FREM2: variants seen among roughly 807,000 people sequenced by gnomAD.
The protein encoded by FREM2 is FRAS1 related extracellular matrix 2.
In FREM2, 119 loss-of-function variants were observed where a neutral mutation model predicts 219.9. That is an observed-to-expected ratio of 0.54 (90% CI 0.47 to 0.63). The LOEUF is 0.63. Among genes scored for constraint, FREM2 ranks in the 30% least tolerant of loss-of-function variants. FREM2 has a pLI of 0.00. For synonymous variants in FREM2, 1,562 were observed against 1,522.8 expected, an observed-to-expected ratio of 1.03 and a Z score of -0.60; for missense variants, 4,030 against 3,993.6, an observed-to-expected ratio of 1.01 and a Z score of -0.25.
intron 7 of FREM2, among the ~76,000 whole-genome samples, chr13:38,847,624 A>C (rs527890286): frequency 6.6e-6 from 1 of 152,314 alleles, no homozygotes; most frequent in South Asian, 2.1e-4. Context: ...AAAGAACCAC[A>C]GGGAGATATG....
At chr13:38,764,511 C>A in intron 3 of FREM2, 61 bp downstream of exon 3, 1 of 1,005,428 alleles carries the variant, frequency 9.9e-7, no homozygotes, top group Non-Finnish European at 1.5e-6. Context: ...GTTTATAATT[C>A]TACAGTGATT....
chr13:38,764,314 G>A lies in FREM2; in HGVS notation c.5274G>A (p.Lys1758=). The change falls in exon 3 of 24, where the codon AAG becomes AAA. Residue 1758 remains lysine (K), a synonymous_variant. Transcript: ENST00000280481. The part of the protein sequence containing the change: ...YFAVEDGGGN[K]LTYQNFRLNW... ...ATTTTTATTTTCAAGGTGGAAACAA[G>A]TTAACGTACCAGAATTTTCGTCTGA... 1.2e-6 allele frequency: 2 copies of A among 1,611,914 alleles called. No homozygotes were observed. Among genetic ancestry groups the A allele is most frequent in the African/African-American group, 2.7e-5 (2 of 74,998 alleles).
Position 38,687,703 on chromosome 13 carries a change from G to GCCC in FREM2, c.361_362insCCC (p.Gly120_Arg121insPro), listed in dbSNP as rs1261509978. On this transcript the variant is annotated inframe_insertion, in exon 1 of 24. Transcript: ENST00000280481. ...AACGACGCACTGGCCCAGCGACCGG[G>GCCC]CCGCCTGAGTCCCAAGCGCTTCCCG... 1.9e-6 allele frequency: 3 copies of GCCC among 1,569,876 alleles called. No homozygotes were observed. The highest frequency in any genetic ancestry group is 3.5e-5 in the Admixed American group (2 of 56,522).
intron 13 of FREM2, 22 bp downstream of exon 13, chr13:38,858,055 T>C: frequency 3.2e-6 from 5 of 1,585,704 alleles, no homozygotes; most frequent in African/African-American, 1.3e-5. Context: ...ATTCACAAAA[T>C]TGAGGAAAAT....
chr13:38,856,565 C>T (rs1221284115), intron 12 of FREM2, among the ~76,000 whole-genome samples: 1 of 152,138 alleles, frequency 6.6e-6, no homozygotes, highest in East Asian at 1.9e-4. Flanking sequence ...TGGGATTAAC[C>T]ATCAGAGAGA....
At chr13:38,875,103 A>G (rs908547030) in intron 18 of FREM2, among the ~76,000 whole-genome samples, 3 of 152,096 alleles carry the variant, frequency 2.0e-5, no homozygotes, top group African/African-American at 7.2e-5. Context: ...TGTGCTTTGA[A>G]TATCAACAAG....
intron 17 of FREM2, 47 bp downstream of exon 17, chr13:38,872,981 A>G: frequency 6.4e-7 from 1 of 1,574,162 alleles, no homozygotes; most frequent in Non-Finnish European, 8.7e-7. Context: ...TAACCTATTT[A>G]AACTATTTAA....
At chr13:38,803,990 G>A (rs1328878765) in intron 6 of FREM2, among the ~76,000 whole-genome samples, 1 of 151,828 alleles carries the variant, frequency 6.6e-6, no homozygotes, top group Admixed American at 6.6e-5. Context: ...GTTTTTGTTT[G>A]AATACAATTA....
chr13:38,866,012 T>C (rs1877948495), intron 16 of FREM2, among the ~76,000 whole-genome samples: 1 of 152,236 alleles, frequency 6.6e-6, no homozygotes, highest in South Asian at 2.1e-4. Context: ...TCTTTTTCTT[T>C]ATAGATCAGG....
At chr13:38,809,970 A>G (rs1199991447) in intron 6 of FREM2, among the ~76,000 whole-genome samples, 1 of 152,048 alleles carries the variant, frequency 6.6e-6, no homozygotes, top group African/African-American at 2.4e-5. Flanking sequence ...CACATGAAAT[A>G]TCTTTCCATT....
At chr13:38,806,698 G>C (rs1435201951) in intron 6 of FREM2, among the ~76,000 whole-genome samples, 1 of 151,876 alleles carries the variant, frequency 6.6e-6, no homozygotes, top group Non-Finnish European at 1.5e-5. Context: ...TTATGGATCA[G>C]GGTTGCGGAA....
At chr13:38,859,263 A>G in intron 13 of FREM2, 24 bp from the exon 14 acceptor site, 1 of 1,611,996 alleles carries the variant, frequency 6.2e-7, no homozygotes, top group Middle Eastern at 1.7e-4. Flanking sequence ...CTCTGTTCCT[A>G]ACACAGTCAT....
chr13:38,689,746 A>G lies in FREM2; in HGVS notation c.2402A>G (p.Gln801Arg). ...CTGGGCGTGGCTACTCGAGTGGCCCAGTTCCAGTTCCAGGTGGAAGACCGA... is the reference window on the plus strand; with the variant it reads ...CTGGGCGTGGCTACTCGAGTGGCCCGGTTCCAGTTCCAGGTGGAAGACCGA... ...QELGVATRVA[Q>R]FQFQVEDRAG... Residue 801 changes from glutamine (Q) to arginine (R), a missense_variant, in exon 1 of 24, where the codon CAG (glutamine) becomes CGG (arginine). Transcript: ENST00000280481. 2 of 1,613,318 alleles carry G rather than the reference A, an allele frequency of 1.2e-6. No individual in the cohort carries two copies. The highest frequency in any genetic ancestry group is 1.7e-6 in the Non-Finnish European group (2 of 1,179,578).
chr13:38,853,449 CTG>C (rs1877450730), intron 11 of FREM2, among the ~76,000 whole-genome samples: 1 of 152,078 alleles, frequency 6.6e-6, no homozygotes, highest in Admixed American at 6.5e-5. Flanking sequence ...TAATTATTCA[CTG>C]TGTTTTCTCC....
intron 2 of FREM2, among the ~76,000 whole-genome samples, chr13:38,732,863 C>T (rs552897767): frequency 5.3e-5 from 8 of 152,248 alleles, no homozygotes; most frequent in Admixed American, 3.9e-4. Context: ...AGCTTAGGAG[C>T]CTGGAGGCCA....
chr13:38,813,580 T>G (rs1250619069), intron 6 of FREM2, among the ~76,000 whole-genome samples: 9 of 114,126 alleles, frequency 7.9e-5, no homozygotes, highest in Non-Finnish European at 1.4e-4. Context: ...TATATATATA[T>G]ATATATATAT....
In FREM2 at chr13:38,881,917, A is replaced by G. The variant is rs1459426513; in HGVS notation, c.*1130A>G. 3 of 152,116 alleles carry G rather than the reference A, an allele frequency of 2.0e-5. No individual in the cohort carries two copies. Among genetic ancestry groups the G allele is most frequent in the African/African-American group, 7.2e-5 (3 of 41,432 alleles). 9.4% of individuals were successfully genotyped at this position (152,116 alleles called of 1,614,324 possible). ...TTCTATCCAGCATCTGGTCCAAACG[A>G]TGGGACTCTCTGCAACTATCATTCC... On this transcript the variant is annotated 3_prime_UTR_variant, in exon 24 of 24. Transcript: ENST00000280481.
intron 2 of FREM2, among the ~76,000 whole-genome samples, chr13:38,731,011 G>A (rs1429765244): frequency 1.3e-5 from 2 of 151,498 alleles, no homozygotes; most frequent in African/African-American, 2.4e-5. Flanking sequence ...CTAAACTGAA[G>A]AATTCATAAT....
chr13:38,876,995 G>A, intron 20 of FREM2, 122 bp from the exon 21 acceptor site: 1 of 1,185,058 alleles, frequency 8.4e-7, no homozygotes, highest in Non-Finnish European at 1.3e-6. Context: ...GGTAGGGTGT[G>A]AAAATTGCGA....
Sources: gnomAD v4.1 joint callset for allele counts (sites outside exome capture counted in the v4.1 genomes callset) on GRCh38, gnomAD v4.1.1 for gene constraint, MANE v1.5 for transcripts, NCBI Gene and HGNC (gene_info 2026-07-23, HGNC 2026-07-21) for gene names.